The following SAMD5 variants were observed in gnomAD, a reference collection of about 807,000 sequenced individuals.
SAMD5 encodes sterile alpha motif domain-containing protein 5.
SAMD5 carries 13 observed loss-of-function variants against 11.3 expected under a neutral mutation model. The observed-to-expected ratio is 1.15, with a 90% CI of 0.75 to 1.83. SAMD5 has a LOEUF of 1.83. Among genes scored for constraint, SAMD5 ranks in the 40% most tolerant of loss-of-function variants. SAMD5 has a pLI of 0.00. For missense variants in SAMD5, 255 were observed against 239.1 expected, an observed-to-expected ratio of 1.07 and a Z score of -0.44; for synonymous variants, 129 against 111.3, an observed-to-expected ratio of 1.16 and a Z score of -1.00.
the SAMD5 span, among the ~76,000 whole-genome samples, chr6:147,802,167 C>G: frequency 6.6e-6 from 1 of 152,012 alleles, no homozygotes; most frequent in South Asian, 2.1e-4. Flanking sequence ...TTTCAAGGGA[C>G]GTGTATCTAG....
intron 1 of SAMD5, among the ~76,000 whole-genome samples, chr6:147,587,677 T>C (rs185042641): frequency 6.6e-6 from 1 of 152,328 alleles, no homozygotes; most frequent in East Asian, 1.9e-4. Context: ...AACAGGGATA[T>C]GCTTTTCTGG....
At chr6:147,914,601 T>C in the SAMD5 span, among the ~76,000 whole-genome samples, 1 of 152,128 alleles carries the variant, frequency 6.6e-6, no homozygotes, top group African/African-American at 2.4e-5. Context: ...AAAGTGAAGG[T>C]TGAATCAGGC....
intron 1 of SAMD5, among the ~76,000 whole-genome samples, chr6:147,517,936 T>A (rs1054595765): frequency 5.9e-5 from 9 of 152,132 alleles, no homozygotes; most frequent in Non-Finnish European, 1.3e-4. Flanking sequence ...ATACTCATTT[T>A]CCCTAGTTTT....
intron 1 of SAMD5, among the ~76,000 whole-genome samples, chr6:147,670,408 A>C (rs1790779125): frequency 6.6e-6 from 1 of 152,222 alleles, no homozygotes; most frequent in Non-Finnish European, 1.5e-5. Flanking sequence ...TTTCTGTTGA[A>C]GCTTTGAACT....
the SAMD5 span, among the ~76,000 whole-genome samples, chr6:147,885,267 T>C: frequency 0.16 from 24,179 of 152,052 alleles, 3,556 homozygotes; most frequent in African/African-American, 0.38. Context: ...GTGACCAGCA[T>C]GGGCAACATA....
the SAMD5 span, among the ~76,000 whole-genome samples, chr6:147,807,406 A>C: frequency 2.0e-5 from 3 of 152,314 alleles, no homozygotes; most frequent in East Asian, 5.8e-4. Flanking sequence ...CCCAGCCATA[A>C]ATTTCTGTTG....
At chr6:147,572,561 A>G (rs983659744), downstream of SAMD5, among the ~76,000 whole-genome samples, 2 of 152,032 alleles carry the variant, frequency 1.3e-5, no homozygotes, top group African/African-American at 4.8e-5. Flanking sequence ...CTGCAACCTC[A>G]AACTTCTGGG....
intron 1 of SAMD5, among the ~76,000 whole-genome samples, chr6:147,679,018 TATATACCACAATTTAATGGATAG>T (rs1790904096): frequency 6.6e-6 from 1 of 152,202 alleles, no homozygotes. Flanking sequence ...TATATGGCTA[TATATACCACAATTTAATGGATAG>T]ATATACCACA....
At chr6:147,729,368 C>T (rs1279621821) in intron 1 of SAMD5, among the ~76,000 whole-genome samples, 2 of 152,142 alleles carry the variant, frequency 1.3e-5, no homozygotes, top group East Asian at 3.9e-4. Context: ...CTGTCTAAGA[C>T]AAGATTGACC....
the SAMD5 span, among the ~76,000 whole-genome samples, chr6:147,917,242 T>C: frequency 1.6e-4 from 22 of 139,442 alleles, no homozygotes; most frequent in African/African-American, 4.0e-4. Flanking sequence ...TTTTAATGAT[T>C]GCCATTCTAA....
chr6:147,775,466 TA>T, the SAMD5 span, among the ~76,000 whole-genome samples: 1,206 of 152,298 alleles, frequency 7.9e-3, 11 homozygotes, highest in African/African-American at 0.028. Context: ...CTGGAGTTAG[TA>T]CTCACACATC....
the SAMD5 span, among the ~76,000 whole-genome samples, chr6:147,865,896 GA>G: frequency 1.3e-5 from 2 of 152,086 alleles, no homozygotes; most frequent in African/African-American, 4.8e-5. Flanking sequence ...TATTTAGGAA[GA>G]AAATATATTT....
At chr6:147,590,412 ATTTG>A (rs1583097633) in intron 1 of SAMD5, among the ~76,000 whole-genome samples, 1 of 151,950 alleles carries the variant, frequency 6.6e-6, no homozygotes, top group South Asian at 2.1e-4. Context: ...AGTAACGGTT[ATTTG>A]TTTGTTTGTT....
At chr6:147,884,526 A>AT in the SAMD5 span, among the ~76,000 whole-genome samples, 1 of 152,198 alleles carries the variant, frequency 6.6e-6, no homozygotes, top group Admixed American at 6.5e-5. Flanking sequence ...TTACAAATGA[A>AT]TTTTGAGCTA....
At chr6:147,726,326 A>C (rs1031677006) in intron 1 of SAMD5, among the ~76,000 whole-genome samples, 2 of 152,258 alleles carry the variant, frequency 1.3e-5, no homozygotes, top group Non-Finnish European at 2.9e-5. Flanking sequence ...AGTAATAATA[A>C]ATGCTTTCTT....
At chr6:147,760,971 A>G in the SAMD5 span, among the ~76,000 whole-genome samples, 1 of 152,256 alleles carries the variant, frequency 6.6e-6, no homozygotes, top group Non-Finnish European at 1.5e-5. Context: ...AATAACATTC[A>G]TCCTACCTGC....
At chr6:147,786,074 G>A in the SAMD5 span, among the ~76,000 whole-genome samples, 4 of 152,028 alleles carry the variant, frequency 2.6e-5, no homozygotes, top group Admixed American at 6.6e-5. Context: ...CACATTTTCC[G>A]TTTACTCTGG....
the SAMD5 span, among the ~76,000 whole-genome samples, chr6:147,806,645 C>A: frequency 6.6e-6 from 1 of 152,176 alleles, no homozygotes; most frequent in Non-Finnish European, 1.5e-5. Context: ...TTTCTTTCCC[C>A]CCATTTCTTG....
chr6:147,825,023 G>A, the SAMD5 span, among the ~76,000 whole-genome samples: 10 of 152,228 alleles, frequency 6.6e-5, no homozygotes, highest in African/African-American at 2.2e-4. Context: ...GGCTGGGGAC[G>A]GTGACTCATG....
Sources: gnomAD v4.1 joint callset for allele counts (sites outside exome capture counted in the v4.1 genomes callset) on GRCh38, gnomAD v4.1.1 for gene constraint, MANE v1.5 for transcripts, NCBI Gene and HGNC (gene_info 2026-07-23, HGNC 2026-07-21) for gene names.